LRIT2: variants seen among roughly 807,000 people sequenced by gnomAD.
The protein encoded by LRIT2 is leucine-rich repeat, immunoglobulin-like domain and transmembrane domain-containing protein 2.
Under a neutral mutation model 22.4 loss-of-function variants are expected in LRIT2, and 23 were observed. The ratio of observed to expected loss-of-function variants is 1.03; its 90% CI spans 0.74 to 1.45. The LOEUF is 1.45. Among genes scored for constraint, LRIT2 ranks in the 40% most tolerant of loss-of-function variants. The pLI is 0.00. For missense variants in LRIT2, 784 were observed against 665.6 expected, an observed-to-expected ratio of 1.18 and a Z score of -1.96; for synonymous variants, 291 against 267.1, an observed-to-expected ratio of 1.09 and a Z score of -0.87.
In LRIT2 at chr10:84,221,930, T is replaced by C. The variant is rs1842509478; in HGVS notation, c.1643A>G (p.Asp548Gly). ...EGDKEKGGTE[D>G]NS is the part of the protein sequence containing the mutation. Reference sequence around the variant, plus strand: ...CATGGCCTGGGTTGTTCAGCTGTTGTCTTCCGTTCCTCCTTTCTCCTTGTC... The same window carrying C: ...CATGGCCTGGGTTGTTCAGCTGTTGCCTTCCGTTCCTCCTTTCTCCTTGTC... The change falls in exon 3 of 3, where the codon GAC becomes GGC. Residue 548 changes from aspartate to glycine, a missense_variant. By Grantham distance (94) the Asp-to-Gly change is moderately conservative (BLOSUM62 -1). Transcript: ENST00000372113. 2.0e-6 allele frequency: 3 copies of C among 1,523,908 alleles called. No individual in the cohort carries two copies. The highest frequency in any genetic ancestry group is 1.4e-5 in the African/African-American group (1 of 72,170). The allele number at this position is 1,523,908 out of a possible 1,614,324, so 94.4% of individuals were successfully genotyped here. A position where few individuals can be genotyped will look rare whatever the true frequency, so the allele number is the denominator to read the frequency against.
At position 84,221,979 on chromosome 10, in the gene LRIT2, C is replaced by G. The variant is rs771351258; in HGVS notation, c.1594G>C (p.Glu532Gln). 23 of 1,576,348 alleles carry G rather than the reference C, an allele frequency of 1.5e-5. 1 individual carries two copies. Among genetic ancestry groups the G allele is most frequent in the Middle Eastern group, 3.4e-4 (2 of 5,874 alleles). ...REHPAVCDDG[E>Q]GHIDTEGDKE... ...TCCCCCTCAGTGTCTATGTGCCCTT[C>G]ACCGTCATCACAGACAGCTGGATGT... The change falls in exon 3 of 3, where the codon GAA (glutamate) becomes CAA (glutamine). Residue 532 changes from glutamate to glutamine, a missense_variant. Coordinates refer to ENST00000372113, the MANE Select transcript of LRIT2 (RefSeq NM_001017924.5).
At chr10:84,222,940 C>T (rs1270082354) in intron 2 of LRIT2, 6 of 689,440 alleles carry the variant, frequency 8.7e-6, no homozygotes, top group African/African-American at 7.0e-5. Flanking sequence ...GAGAGTTGTT[C>T]AGAAGCAACA....
At position 84,221,761 on chromosome 10, in the gene LRIT2, G is replaced by A; in HGVS notation, c.*159C>T. 1 of 524,850 alleles carries A rather than the reference G, an allele frequency of 1.9e-6. No homozygotes were observed. Among genetic ancestry groups the A allele is most frequent in the Non-Finnish European group, 3.2e-6 (1 of 312,748 alleles). 32.5% of individuals were successfully genotyped at this position (524,850 alleles called of 1,614,324 possible). On this transcript the variant is annotated 3_prime_UTR_variant, in exon 3 of 3. Coordinates refer to ENST00000372113, the MANE Select transcript of LRIT2 (RefSeq NM_001017924.5). ...CCTTTATCATGAAGATAAAGACTCT[G>A]TTTCCCTTTTTACTCTTGAACCCCC...
chr10:84,225,069 G>C lies in LRIT2; in HGVS notation c.156C>G (p.Asn52Lys). The change falls in exon 2 of 3, where the codon AAC becomes AAG. Residue 52 changes from asparagine (N) to lysine (K), a missense_variant. Physicochemically the swap from Asn to Lys is moderately conservative, Grantham distance 94. Transcript: ENST00000372113. ...TCACTTGCTTGAACTCTTCAGAAAG[G>C]TTCCCAGGGATCTTTCCCAAGGAGA... ...TSVSLGKIPG[N>K]LSEEFKQVRI... 1 of 1,613,984 alleles carries C rather than the reference G, an allele frequency of 6.2e-7. No individual in the cohort carries two copies. The highest frequency in any genetic ancestry group is 1.1e-5 in the South Asian group (1 of 91,066).
At chr10:84,223,169 C>T (rs907902057) in intron 2 of LRIT2, among the ~76,000 whole-genome samples, 2 of 152,216 alleles carry the variant, frequency 1.3e-5, no homozygotes, top group Non-Finnish European at 2.9e-5. Flanking sequence ...GCTGCTATCC[C>T]TAATGGAGCT....
Position 84,221,887 on chromosome 10 carries a change from C to A in LRIT2, c.*33G>T. On this transcript the variant is annotated 3_prime_UTR_variant, in exon 3 of 3. Coordinates refer to ENST00000372113, the MANE Select transcript of LRIT2 (RefSeq NM_001017924.5). ...GAGGGTTGGTTTCAGAGGCTTGAAG[C>A]CCAAGCCGTTTCCACCCCATGGCCT... The A allele has an allele frequency of 6.6e-7, 1 of 1,508,116 alleles. No individual in the cohort carries two copies. 93.4% of individuals were successfully genotyped at this position (1,508,116 alleles called of 1,614,324 possible).
intron 1 of LRIT2, 64 bp downstream of exon 1, chr10:84,225,347 C>T: frequency 6.5e-7 from 1 of 1,549,544 alleles, no homozygotes; most frequent in Non-Finnish European, 8.7e-7. Context: ...TGCTTCCACT[C>T]CACATCATCC....
At position 84,225,092 on chromosome 10, in the gene LRIT2, A is replaced by G. The variant is rs770242092; in HGVS notation, c.133T>C (p.Ser45Pro). ...FGRTLQCTSV[S>P]LGKIPGNLSE... ...AGGTTCCCAGGGATCTTTCCCAAGG[A>G]GACAGATGTGCACTGCAGAGTCCTG... Residue 45 changes from serine to proline, a missense_variant, in exon 2 of 3, where the codon TCC becomes CCC. Transcript: ENST00000372113. 6.2e-7 allele frequency: 1 copy of G among 1,613,450 alleles called. No homozygotes were observed. The highest frequency in any genetic ancestry group is 1.1e-5 in the South Asian group (1 of 90,950).
chr10:84,224,507 G>T lies in LRIT2; in HGVS notation c.718C>A (p.Gln240Lys). The change falls in exon 2 of 3, where the codon CAG (glutamine) becomes AAG (lysine). Residue 240 changes from glutamine to lysine, a missense_variant. By Grantham distance (53) the Gln-to-Lys change is moderately conservative. Coordinates refer to ENST00000372113, the MANE Select transcript of LRIT2 (RefSeq NM_001017924.5). The stretch of plus-strand genomic sequence containing the variant: ...CTAAGCTCAGTTTCATGAAAAAGCT[G>T]CCCTGCCTTGGACAGAGGGCCCTGA... ...ICQGPLSKAG[Q>K]LFHETELSAC... is the part of the protein sequence containing the mutation. 6.2e-7 allele frequency: 1 copy of T among 1,614,216 alleles called. No individual in the cohort carries two copies.
At position 84,221,903 on chromosome 10, in the gene LRIT2, C is replaced by A. The variant is rs1195175672; in HGVS notation, c.*17G>T. 2.0e-6 allele frequency: 3 copies of A among 1,511,854 alleles called. No individual in the cohort carries two copies. The highest frequency in any genetic ancestry group is 2.3e-5 in the Admixed American group (1 of 44,258). 93.7% of individuals were successfully genotyped at this position (1,511,854 alleles called of 1,614,324 possible). On this transcript the variant is annotated 3_prime_UTR_variant, in exon 3 of 3. Transcript: ENST00000372113. Reference sequence around the variant, plus strand: ...GGCTTGAAGCCCAAGCCGTTTCCACCCCATGGCCTGGGTTGTTCAGCTGTT... The same window carrying A: ...GGCTTGAAGCCCAAGCCGTTTCCACACCATGGCCTGGGTTGTTCAGCTGTT...
chr10:84,225,276 G>T, intron 1 of LRIT2, 135 bp downstream of exon 1: 1 of 1,239,222 alleles, frequency 8.1e-7, no homozygotes, highest in Non-Finnish European at 1.1e-6. Flanking sequence ...GTTCAGCAAA[G>T]TTCAGTCCCA....
chr10:84,223,503 T>TTTTTTTTTTTTTTTTTTGAG (rs1554859698), intron 2 of LRIT2, among the ~76,000 whole-genome samples: 5 of 150,778 alleles, frequency 3.3e-5, no homozygotes, highest in African/African-American at 1.2e-4. Flanking sequence ...TGGGTATTTT[T>TTTTTTTTTTTTTTTTTTGAG]AAACCATCCA....
At position 84,224,442 on chromosome 10, in the gene LRIT2, A is replaced by G; in HGVS notation, c.783T>C (p.Asn261=). 6.2e-7 allele frequency: 1 copy of G among 1,614,234 alleles called. No homozygotes were observed. Among genetic ancestry groups the G allele is most frequent in the Non-Finnish European group, 8.5e-7 (1 of 1,180,038 alleles). ...MKPQISTPSA[N]ITIRAGQNVT... is the part of the protein sequence containing the mutation. ...CATTCTGTCCTGCCCGGATGGTGATATTGGCACTGGGGGTTGAGATCTGTG... is the reference window on the plus strand; with the variant it reads ...CATTCTGTCCTGCCCGGATGGTGATGTTGGCACTGGGGGTTGAGATCTGTG... Residue 261 remains asparagine (N), a synonymous_variant, in exon 2 of 3, where the codon AAT becomes AAC. Coordinates refer to ENST00000372113, the MANE Select transcript of LRIT2 (RefSeq NM_001017924.5).
At position 84,222,497 on chromosome 10, in the gene LRIT2, G is replaced by A. The variant is rs746129571; in HGVS notation, c.1076C>T (p.Pro359Leu). The change falls in exon 3 of 3, where the codon CCC (proline) becomes CTC (leucine). Residue 359 changes from proline to leucine, a missense_variant. Transcript: ENST00000372113. ...GTCAATGTAGGCATTGCCCTCCGAG[G>A]GGATGGAAAGAGAATCAGGTGCATG... ...ALHAPDSLSI[P>L]SEGNAYIDLR... 2 of 1,613,966 alleles carry A rather than the reference G, an allele frequency of 1.2e-6. No individual in the cohort carries two copies. Among genetic ancestry groups the A allele is most frequent in the Admixed American group, 1.7e-5 (1 of 60,004 alleles).
In LRIT2 at chr10:84,224,766, C is replaced by A. The variant is rs1842546389; in HGVS notation, c.459G>T (p.Leu153=). The change falls in exon 2 of 3, where the codon CTG becomes CTT. Residue 153 remains leucine (L), a synonymous_variant. Coordinates refer to ENST00000372113, the MANE Select transcript of LRIT2 (RefSeq NM_001017924.5). ...TATTGGAGGATAGGTCAAGGTAGGT[C>A]AGGCTGACCAAGAATTGAAGAGCCA... is the stretch of plus-strand genomic sequence containing the variant. The part of the protein sequence containing the change: ...PELALQFLVS[L]TYLDLSSNRL... 1 of 1,614,024 alleles carries A rather than the reference C, an allele frequency of 6.2e-7. No homozygotes were observed. The highest frequency in any genetic ancestry group is 1.3e-5 in the African/African-American group (1 of 74,916).
In LRIT2 at chr10:84,222,671, G is replaced by A. The variant is rs987173665; in HGVS notation, c.902C>T (p.Ser301Phe). The change falls in exon 3 of 3, where the codon TCT becomes TTT. Residue 301 changes from serine to phenylalanine, a missense_variant. Transcript: ENST00000372113. ...SMWREFDVLT[S>F]STGEDTALSE... ...CAGAGCAGTGTCTTCTCCAGTAGAA[G>A]ATGTCAACACTGGGTGGAAAGAAAA... 11 of 1,613,712 alleles carry A rather than the reference G, an allele frequency of 6.8e-6. No homozygotes were observed. In the African/African-American group the frequency reaches 1.2e-4, roughly 18 times the overall value.
At position 84,222,674 on chromosome 10, in the gene LRIT2, G is replaced by A; in HGVS notation, c.899C>T (p.Thr300Ile). ...LSMWREFDVL[T>I]SSTGEDTALS... ...AGCAGTGTCTTCTCCAGTAGAAGAT[G>A]TCAACACTGGGTGGAAAGAAAAACA... is the stretch of plus-strand genomic sequence containing the variant. Residue 300 changes from threonine to isoleucine, a missense_variant, in exon 3 of 3, where the codon ACA becomes ATA. By Grantham distance (89) the Thr-to-Ile change is moderately conservative. Transcript: ENST00000372113. 6.2e-7 allele frequency: 1 copy of A among 1,613,402 alleles called. No individual in the cohort carries two copies.
Position 84,224,799 on chromosome 10 carries a change from G to A in LRIT2, c.426C>T (p.Leu142=). 7 of 1,614,046 alleles carry A rather than the reference G, an allele frequency of 4.3e-6. No homozygotes were observed. The highest frequency in any genetic ancestry group is 5.9e-6 in the Non-Finnish European group (7 of 1,180,004). ...LDLKRNKIDA[L]PELALQFLVS... is the part of the protein sequence containing the mutation. Reference sequence around the variant, plus strand: ...CCAAGAATTGAAGAGCCAGCTCAGGGAGTGCATCAATCTTGTTGCGTTTGA... The same window carrying A: ...CCAAGAATTGAAGAGCCAGCTCAGGAAGTGCATCAATCTTGTTGCGTTTGA... The change falls in exon 2 of 3, where the codon CTC becomes CTT. Residue 142 remains leucine (L), a synonymous_variant. Transcript: ENST00000372113.
In LRIT2 at chr10:84,222,476, A is replaced by G; in HGVS notation, c.1097T>C (p.Ile366Thr). 1.2e-6 allele frequency: 2 copies of G among 1,614,000 alleles called. No homozygotes were observed. Among genetic ancestry groups the G allele is most frequent in the Non-Finnish European group, 1.7e-6 (2 of 1,180,008 alleles). ...TGTCTGCTTGACAACCCGCAGGTCA[A>G]TGTAGGCATTGCCCTCCGAGGGGAT... is the stretch of plus-strand genomic sequence containing the variant. Reference protein sequence around the residue: ...LSIPSEGNAYIDLRVVKQTVH... With the variant: ...LSIPSEGNAYTDLRVVKQTVH... The change falls in exon 3 of 3, where the codon ATT becomes ACT. Residue 366 changes from isoleucine to threonine, a missense_variant. Ile to Thr is a moderately conservative substitution (Grantham distance 89). Coordinates refer to ENST00000372113, the MANE Select transcript of LRIT2 (RefSeq NM_001017924.5).
Sources: allele counts gnomAD v4.1 joint callset (sites outside exome capture counted in the v4.1 genomes callset), GRCh38; gene constraint gnomAD v4.1.1; transcripts MANE v1.5; gene names NCBI Gene and HGNC (gene_info 2026-07-23, HGNC 2026-07-21).